The following CACNA1I variants were observed in gnomAD, a reference collection of about 807,000 sequenced individuals.
CACNA1I encodes the protein voltage-dependent T-type calcium channel subunit alpha-1I.
A neutral mutation model predicts 201.6 loss-of-function variants in CACNA1I; 74 were observed. The observed-to-expected ratio is 0.37, with a 90% CI of 0.30 to 0.45. The LOEUF is 0.45. CACNA1I is among the 20% of genes least tolerant of loss of function. The pLI is 1.00. For synonymous variants in CACNA1I, 1,431 were observed against 1,345.2 expected (o/e 1.06, Z -1.40); for missense variants, 2,346 against 3,138.1 (o/e 0.75, Z 6.03).
rs976668181 is a variant in CACNA1I, at chr22:39,685,865, T to C, written c.6132T>C (p.Arg2044=). 6 of 1,472,986 alleles carry C rather than the reference T, an allele frequency of 4.1e-6. No individual in the cohort carries two copies. The highest frequency in any genetic ancestry group is 5.4e-6 in the Non-Finnish European group (6 of 1,120,766). The allele number at this position is 1,472,986 out of a possible 1,614,324, so 91.2% of individuals were successfully genotyped here. Residue 2044 remains arginine, a synonymous_variant, in exon 37 of 37, where the codon CGT becomes CGC. Coordinates refer to ENST00000402142, the MANE Select transcript of CACNA1I (RefSeq NM_021096.4). The surrounding 1 kb of genome is among the most constrained non-coding windows in gnomAD (Gnocchi z 5.0). ...TGACCCTGAGCGACAGCCCCCGGCG[T>C]GCCCTGGGGCCGCCCGCGCCTGCTC... ...DSLTLSDSPR[R]ALGPPAPAPG...
At chr22:39,678,208 A>C (rs1194494654) in intron 31 of CACNA1I, 100 bp downstream of exon 31, 1 of 1,372,152 alleles carries the variant, frequency 7.3e-7, no homozygotes, top group East Asian at 2.5e-5. Context: ...GGGCCCCACC[A>C]CACATGGGAG....
rs1933008662 is a variant in CACNA1I at position 39,600,771 on chromosome 22, C to T, written c.482+118C>T. On this transcript the variant is annotated intron_variant, in intron 3 of 36. Transcript: ENST00000402142. ...GAATCACGGTGATGCGTGGGACCCT[C>T]CTGGACCCCTGGGCTGGGAGGAATG... is the stretch of plus-strand genomic sequence containing the variant. The T allele has an allele frequency of 5.6e-6, 7 of 1,259,954 alleles. No individual in the cohort carries two copies. The East Asian group carries it at 1.2e-4, about 21-fold the overall frequency. 78.0% of individuals were successfully genotyped at this position (1,259,954 alleles called of 1,614,324 possible).
intron 4 of CACNA1I, among the ~76,000 whole-genome samples, chr22:39,621,118 G>T (rs1933730911): frequency 6.6e-6 from 1 of 152,170 alleles, no homozygotes; most frequent in Non-Finnish European, 1.5e-5. Context: ...ACATCTGATG[G>T]CTCAACAACC....
At chr22:39,664,343 G>A (rs1396058077) in intron 20 of CACNA1I, among the ~76,000 whole-genome samples, 184 bp downstream of exon 20, 1 of 151,792 alleles carries the variant, frequency 6.6e-6, no homozygotes, top group African/African-American at 2.4e-5. Flanking sequence ...GGTCAGCCCC[G>A]TCCCCATTCA....
chr22:39,658,704 G>A (rs767122104), intron 11 of CACNA1I, among the ~76,000 whole-genome samples: 3 of 152,224 alleles, frequency 2.0e-5, no homozygotes, highest in African/African-American at 4.8e-5. Flanking sequence ...ATGGACCTCC[G>A]GATTCTAGCC....
chr22:39,586,493 AAAATAAAT>A (rs368933585), intron 1 of CACNA1I, among the ~76,000 whole-genome samples: 162 of 151,196 alleles, frequency 1.1e-3, no homozygotes, highest in African/African-American at 3.6e-3. Context: ...CTCCGTCTCT[AAAATAAAT>A]AAATAAATAA....
chr22:39,589,877 C>T (rs866114932), intron 1 of CACNA1I, among the ~76,000 whole-genome samples: 16 of 152,222 alleles, frequency 1.1e-4, no homozygotes, highest in Admixed American at 5.2e-4. Context: ...TTTATTTAGA[C>T]AACTGAAACG....
intron 3 of CACNA1I, among the ~76,000 whole-genome samples, chr22:39,612,549 T>C (rs1933415261): frequency 6.6e-6 from 1 of 151,976 alleles, no homozygotes; most frequent in African/African-American, 2.4e-5. Flanking sequence ...AGTCTTCTCA[T>C]TGAGTCCTCA....
At position 39,665,597 on chromosome 22, in the gene CACNA1I, C is replaced by T. The variant is rs1275068788; in HGVS notation, c.3951C>T (p.Phe1317=). 2 of 1,613,840 alleles carry T rather than the reference C, an allele frequency of 1.2e-6. No homozygotes were observed. Among genetic ancestry groups the T allele is most frequent in the South Asian group, 1.1e-5 (1 of 91,082 alleles). The part of the protein sequence containing the change: ...GNIVLICCAF[F]IIFGILGVQL... ...TCGTGCTCATCTGCTGTGCCTTCTT[C>T]ATCATCTTTGGCATCCTGGGAGTGC... The change falls in exon 22 of 37, where the codon TTC becomes TTT. Residue 1317 remains phenylalanine (F), a synonymous_variant. Coordinates refer to ENST00000402142, the MANE Select transcript of CACNA1I (RefSeq NM_021096.4). This position sits in a 1 kb window ranked among gnomAD's most constrained non-coding sequence, Gnocchi z 5.5.
intron 10 of CACNA1I, among the ~76,000 whole-genome samples, chr22:39,654,716 T>C (rs988536479): frequency 3.3e-5 from 5 of 152,014 alleles, no homozygotes; most frequent in African/African-American, 1.2e-4. Context: ...CTGGAGGTGA[T>C]GGCACTGGGG....
In CACNA1I at chr22:39,600,843, C is replaced by T. The variant is rs115788003; in HGVS notation, c.482+190C>T. ...CCTCCCTTCCTAAGTTGTGCGTCCT[C>T]CAGCACTGCCAGCGGATACTGGGTG... On this transcript the variant is annotated intron_variant, in intron 3 of 36. Transcript: ENST00000402142. Among the ~76,000 whole-genome samples, 669 of 152,230 alleles carry T rather than the reference C, an allele frequency of 4.4e-3. 3 individuals carry two copies. The highest frequency in any genetic ancestry group is 0.015 in the African/African-American group (642 of 41,528).
chr22:39,630,075 G>C, intron 4 of CACNA1I, among the ~76,000 whole-genome samples: 1 of 151,944 alleles, frequency 6.6e-6, no homozygotes, highest in African/African-American at 2.4e-5. Context: ...ACTCCCTCCC[G>C]CCTCTAGGCC....
intron 3 of CACNA1I, among the ~76,000 whole-genome samples, chr22:39,618,995 C>T (rs2146392353): frequency 6.6e-6 from 1 of 152,280 alleles, no homozygotes; most frequent in South Asian, 2.1e-4. Flanking sequence ...CTGACATGGG[C>T]CACGGGCCAG....
chr22:39,662,251 A>T lies in CACNA1I; in HGVS notation c.3188A>T (p.Asp1063Val). Residue 1063 changes from aspartate (D) to valine (V), a missense_variant, in exon 17 of 37, where the codon GAC (aspartate) becomes GTC (valine). Asp to Val is a radical substitution (Grantham distance 152, BLOSUM62 -3). This residue lies in a region of CACNA1I where 288 missense variants were observed against 255.2 expected (regional missense o/e 1.13). Coordinates refer to ENST00000402142, the MANE Select transcript of CACNA1I (RefSeq NM_021096.4). ...CGGACGCTGTCCCTCGACAACAGGG[A>T]CTCGGTGGACCTGGCCGAGCTGGTG... The part of the protein sequence containing the change: ...HRRTLSLDNR[D>V]SVDLAELVPA... The T allele has an allele frequency of 6.6e-7, 1 of 1,525,908 alleles. No individual in the cohort carries two copies. Among genetic ancestry groups the T allele is most frequent in the Non-Finnish European group, 8.8e-7 (1 of 1,141,520 alleles). 94.5% of individuals were successfully genotyped at this position (1,525,908 alleles called of 1,614,324 possible).
At chr22:39,627,512 C>T (rs994914210) in intron 4 of CACNA1I, among the ~76,000 whole-genome samples, 2 of 152,212 alleles carry the variant, frequency 1.3e-5, no homozygotes, top group Non-Finnish European at 2.9e-5. Flanking sequence ...ACGCCCCAGG[C>T]CAAGCCCTTT....
At chr22:39,646,447 C>G (rs1433953877) in intron 7 of CACNA1I, 122 bp from the exon 8 acceptor site, 1 of 1,406,048 alleles carries the variant, frequency 7.1e-7, no homozygotes, top group Non-Finnish European at 9.5e-7. Flanking sequence ...ATCTCCCCAT[C>G]TCCCTCTGCC....
chr22:39,588,937 C>T (rs1289638653), intron 1 of CACNA1I, among the ~76,000 whole-genome samples: 1 of 152,228 alleles, frequency 6.6e-6, no homozygotes, highest in Non-Finnish European at 1.5e-5. Flanking sequence ...TTGTGTGTTT[C>T]AGTTGCCTGT....
In CACNA1I at chr22:39,685,965, CG is replaced by C. The variant is rs1935853893; in HGVS notation, c.6237del (p.Leu2080CysfsTer192). 1 of 1,257,392 alleles carries C rather than the reference CG, an allele frequency of 8.0e-7. No individual in the cohort carries two copies. Among genetic ancestry groups the C allele is most frequent in the Non-Finnish European group, 9.9e-7 (1 of 1,008,236 alleles). 77.9% of individuals were successfully genotyped at this position (1,257,392 alleles called of 1,614,324 possible). ...SLRGRGLFSL[R>X]GLRAHQRSHS... Reference sequence around the variant, plus strand: ...GCGCGGCCGGGGCCTCTTCAGCCTGCGGGGGCTGCGGGCGCATCAGCGCAGC... The same window carrying C: ...GCGCGGCCGGGGCCTCTTCAGCCTGCGGGGCTGCGGGCGCATCAGCGCAGC... On this transcript the variant is annotated frameshift_variant, in exon 37 of 37. Coordinates refer to ENST00000402142, the MANE Select transcript of CACNA1I (RefSeq NM_021096.4). LOFTEE classifies it low-confidence loss of function (END_TRUNC). This position sits in a 1 kb window ranked among gnomAD's most constrained non-coding sequence, Gnocchi z 5.0.
intron 17 of CACNA1I, 95 bp downstream of exon 17, chr22:39,662,530 C>CG (rs1170021092): frequency 7.1e-6 from 7 of 981,402 alleles, no homozygotes; most frequent in East Asian, 2.9e-5. Context: ...GGCGGGCCCA[C>CG]GGGGGGCGTG....
Sources: gnomAD v4.1 joint callset for allele counts (sites outside exome capture counted in the v4.1 genomes callset) on GRCh38, gnomAD v4.1.1 for gene constraint, gnomAD v4.1.1 regional missense constraint, Gnocchi (gnomAD v3.1) non-coding constraint, MANE v1.5 for transcripts, NCBI Gene and HGNC (gene_info 2026-07-23, HGNC 2026-07-21) for gene names.